Variants in EPB41L4A observed in about 807,000 individuals in gnomAD.
EPB41L4A encodes erythrocyte membrane protein band 4.1 like 4A, also known as band 4.1-like protein 4A.
EPB41L4A carries 100 observed loss-of-function variants against 108.6 expected under a neutral mutation model. The observed-to-expected ratio is 0.92, with a 90% CI of 0.78 to 1.09. The LOEUF is 1.09. EPB41L4A is among the 50% of genes least tolerant of loss of function. The probability of loss-of-function intolerance (pLI) is 0.00; values close to 1 mark genes in which losing one functional copy is unlikely to be tolerated. For missense variants in EPB41L4A, 1,030 were observed against 842.7 expected, an observed-to-expected ratio of 1.22 and a Z score of -2.75; for synonymous variants, 319 against 289.0, an observed-to-expected ratio of 1.10 and a Z score of -1.05.
At chr5:112,155,183 G>C (rs570691650) in intron 12 of EPB41L4A, among the ~76,000 whole-genome samples, 71 of 152,210 alleles carry the variant, frequency 4.7e-4, no homozygotes, top group Admixed American at 1.6e-3. Context: ...TAGTTCTTCA[G>C]ATTACTTTAT....
rs116612675 is a variant in EPB41L4A, at chr5:112,335,945, G to A, written c.100-28455C>T. Among the ~76,000 whole-genome samples, 1,337 of 152,042 alleles carry A rather than the reference G, an allele frequency of 8.8e-3. 12 individuals carry two copies. The highest frequency in any genetic ancestry group is 0.031 in the African/African-American group (1,281 of 41,444). ...ATGCTTCACACCTGCTATCTCCTTC[G>A]TCTAGAAACAGTACCGTCCCCCAGT... On this transcript the variant is annotated intron_variant, in intron 1 of 22. Transcript: ENST00000261486.
At chr5:112,291,083 T>C (rs2150534348) in intron 2 of EPB41L4A, among the ~76,000 whole-genome samples, 1 of 152,246 alleles carries the variant, frequency 6.6e-6, no homozygotes, top group South Asian at 2.1e-4. Flanking sequence ...AATGGGTGTT[T>C]CAAACCCAAC....
chr5:112,205,694 G>T (rs543694373), intron 13 of EPB41L4A, among the ~76,000 whole-genome samples, 190 bp from the exon 14 acceptor site: 2 of 152,220 alleles, frequency 1.3e-5, no homozygotes, highest in South Asian at 4.2e-4. Flanking sequence ...AAGTACCTTT[G>T]GGTCTTTCCC....
intron 1 of EPB41L4A, among the ~76,000 whole-genome samples, chr5:112,412,598 G>A (rs1045098547): frequency 3.3e-5 from 5 of 152,202 alleles, no homozygotes; most frequent in Non-Finnish European, 7.3e-5. Flanking sequence ...CTATGCCCAG[G>A]ACATGTGATA....
At position 112,326,052 on chromosome 5, in the gene EPB41L4A, AG is replaced by A. The variant is rs1402484021; in HGVS notation, c.100-18563del. On this transcript the variant is annotated intron_variant, in intron 1 of 22. Transcript: ENST00000261486. ...GTATTTCCAGCTACTTGGGAGGCTG[AG>A]GCAGGAAGATTGCTTGAATCCAGGA... Among the ~76,000 whole-genome samples, 16 of 152,282 alleles carry A rather than the reference AG, an allele frequency of 1.1e-4. No homozygotes were observed. The East Asian group carries it at 3.1e-3, about 29-fold the overall frequency.
chr5:112,406,030 C>T (rs1315217258), intron 1 of EPB41L4A, among the ~76,000 whole-genome samples: 7 of 152,180 alleles, frequency 4.6e-5, no homozygotes, highest in Non-Finnish European at 1.5e-5. Context: ...CCCCAATATA[C>T]CCTCACACTC....
chr5:112,166,349 G>T (rs1281721296), intron 22 of EPB41L4A, among the ~76,000 whole-genome samples: 1 of 152,192 alleles, frequency 6.6e-6, no homozygotes, highest in East Asian at 1.9e-4. Flanking sequence ...TTAGCACTTG[G>T]AATAAAACAG....
intron 2 of EPB41L4A, among the ~76,000 whole-genome samples, chr5:112,286,128 C>T (rs1030590421): frequency 2.0e-5 from 3 of 152,094 alleles, no homozygotes; most frequent in African/African-American, 7.2e-5. Flanking sequence ...AATTCATTGA[C>T]CCTACTACCT....
At position 112,408,715 on chromosome 5, in the gene EPB41L4A, AAAAG is replaced by A. The variant is rs1423654975; in HGVS notation, c.99+10222_99+10225del. Among the ~76,000 whole-genome samples the A allele has an allele frequency of 1.5e-4, 8 of 55,118 alleles. 3 individuals carry two copies. Among genetic ancestry groups the A allele is most frequent in the African/African-American group, 2.3e-4 (4 of 17,304 alleles). 36.2% of individuals were successfully genotyped at this position (55,118 alleles called of 152,430 possible). A position where few individuals can be genotyped will look rare whatever the true frequency, so the allele number is the denominator to read the frequency against. On this transcript the variant is annotated intron_variant, in intron 1 of 22. Transcript: ENST00000261486. ...AAAAAAAAAAAAAAAAAAAAAAAAA[AAAAG>A]GGCCAGTAAGCACAAGAAAAGATGC...
rs6860423 is a variant in EPB41L4A, at chr5:112,346,587, A to G, written c.100-39097T>C. On this transcript the variant is annotated intron_variant, in intron 1 of 22. Transcript: ENST00000261486. The stretch of plus-strand genomic sequence containing the variant: ...ACTAATAAAATGCCTAGAGGTTACA[A>G]AAAACTGACAGAAGTCAAACTTTGA... 9.3e-3 allele frequency among the ~76,000 whole-genome samples: 1,417 copies of G among 152,304 alleles called. 27 individuals carry two copies. The highest frequency in any genetic ancestry group is 0.033 in the African/African-American group (1,353 of 41,558).
At chr5:112,252,124 A>G (rs1368572424) in intron 9 of EPB41L4A, among the ~76,000 whole-genome samples, 1 of 152,160 alleles carries the variant, frequency 6.6e-6, no homozygotes, top group African/African-American at 2.4e-5. Context: ...AATGAGGGAG[A>G]GTAAGGAAGA....
intron 1 of EPB41L4A, among the ~76,000 whole-genome samples, chr5:112,364,021 A>C (rs557937756): frequency 4.2e-4 from 62 of 148,890 alleles, no homozygotes; most frequent in Non-Finnish European, 7.5e-4. Flanking sequence ...TCATTCATTT[A>C]TTCATTCATT....
At chr5:112,244,842 C>T (rs1334981418) in intron 9 of EPB41L4A, among the ~76,000 whole-genome samples, 3 of 152,112 alleles carry the variant, frequency 2.0e-5, no homozygotes, top group Non-Finnish European at 2.9e-5. Context: ...TTCAGGACTG[C>T]TTTTCATTAG....
downstream of EPB41L4A, chr5:112,162,123 G>A (rs1325991561): frequency 6.6e-6 from 1 of 152,162 alleles, no homozygotes; most frequent in African/African-American, 2.4e-5. Flanking sequence ...ATTTGCTGTC[G>A]AATTGAGTAC....
Position 112,219,941 on chromosome 5 carries a change from C to T in EPB41L4A, c.1088-9959G>A, listed in dbSNP as rs138900215. 3.3e-3 allele frequency among the ~76,000 whole-genome samples: 499 copies of T among 152,282 alleles called. 2 individuals carry two copies. The highest frequency in any genetic ancestry group is 0.011 in the African/African-American group (474 of 41,556). Reference sequence around the variant, plus strand: ...GAACTCCTGACCTCAAGTGATCCACCCACCTTGGCCTCCCAAAGTGCTGGG... The same window carrying T: ...GAACTCCTGACCTCAAGTGATCCACTCACCTTGGCCTCCCAAAGTGCTGGG... On this transcript the variant is annotated intron_variant, in intron 12 of 22. Transcript: ENST00000261486.
At chr5:112,253,287 T>C (rs1750826738) in intron 9 of EPB41L4A, among the ~76,000 whole-genome samples, 1 of 152,158 alleles carries the variant, frequency 6.6e-6, no homozygotes, top group African/African-American at 2.4e-5. Flanking sequence ...ATTTCACCTA[T>C]GCAGCTGTAC....
At chr5:112,391,169 C>G (rs1442545644) in intron 1 of EPB41L4A, among the ~76,000 whole-genome samples, 1 of 152,176 alleles carries the variant, frequency 6.6e-6, no homozygotes, top group Non-Finnish European at 1.5e-5. Context: ...CTCTTCTCCT[C>G]CAAAGGACTG....
chr5:112,171,722 T>C (rs1760591274), intron 18 of EPB41L4A, among the ~76,000 whole-genome samples: 1 of 152,252 alleles, frequency 6.6e-6, no homozygotes, highest in Non-Finnish European at 1.5e-5. Flanking sequence ...ATTTCTCCCA[T>C]TGTAGCAATG....
intron 1 of EPB41L4A, among the ~76,000 whole-genome samples, chr5:112,345,778 TATACACACACACACAC>T (rs1194607884): frequency 3.2e-4 from 42 of 130,768 alleles, no homozygotes; most frequent in African/African-American, 4.9e-4. Flanking sequence ...CATATATATA[TATACACACACACACAC>T]ACACACACAC....
Sources: gnomAD v4.1 joint callset for allele counts (sites outside exome capture counted in the v4.1 genomes callset) on GRCh38, gnomAD v4.1.1 for gene constraint, MANE v1.5 for transcripts, NCBI Gene and HGNC (gene_info 2026-07-23, HGNC 2026-07-21) for gene names.